PTPRU: variants seen among roughly 807,000 people sequenced by gnomAD.
The protein encoded by PTPRU is receptor-type tyrosine-protein phosphatase U.
In PTPRU, 69 loss-of-function variants were observed where a neutral mutation model predicts 166.3. The ratio of observed to expected loss-of-function variants is 0.41; its 90% CI spans 0.34 to 0.51. The LOEUF is 0.51. Ranked by LOEUF, PTPRU falls within the 20% of genes least tolerant of loss-of-function variation. The pLI is 0.09. For missense variants in PTPRU, 1,657 were observed against 2,013.7 expected, an observed-to-expected ratio of 0.82 and a Z score of 3.39; for synonymous variants, 793 against 814.0, an observed-to-expected ratio of 0.97 and a Z score of 0.44.
chr1:29,299,425 G>A (rs1382156320), intron 15 of PTPRU, among the ~76,000 whole-genome samples: 5 of 152,222 alleles, frequency 3.3e-5, no homozygotes, highest in Non-Finnish European at 7.3e-5. Context: ...GGCAAGGAGA[G>A]TAGGGACCTG....
rs1377857352 is a variant in PTPRU, at chr1:29,311,998, G to T, written c.3072+239G>T. Among the ~76,000 whole-genome samples the T allele has an allele frequency of 6.6e-6, 1 of 152,218 alleles. No individual in the cohort carries two copies. The highest frequency in any genetic ancestry group is 1.5e-5 in the Non-Finnish European group (1 of 68,030). Reference sequence around the variant, plus strand: ...TGAAGGGGGTGACAGTATCTGCCAGGTGCTGGCTCCTACTCTGTGCTGAGC... The same window carrying T: ...TGAAGGGGGTGACAGTATCTGCCAGTTGCTGGCTCCTACTCTGTGCTGAGC... On this transcript the variant is annotated intron_variant, in intron 21 of 29. Coordinates refer to ENST00000373779, the MANE Select transcript of PTPRU (RefSeq NM_133178.4). This position sits in a 1 kb window ranked among gnomAD's most constrained non-coding sequence, Gnocchi z 4.1.
intron 8 of PTPRU, 113 bp downstream of exon 8, chr1:29,275,869 C>G: frequency 8.3e-7 from 1 of 1,210,908 alleles, no homozygotes. Flanking sequence ...TAGGATTAAA[C>G]CAACTGTATA....
intron 14 of PTPRU, among the ~76,000 whole-genome samples, chr1:29,286,171 G>A (rs1489664037): frequency 1.3e-5 from 2 of 152,208 alleles, no homozygotes; most frequent in Non-Finnish European, 2.9e-5. Flanking sequence ...GCGGAGTGGA[G>A]GAGATGGGGG....
Position 29,255,312 on chromosome 1 carries a change from G to A in PTPRU, c.111G>A (p.Val37=), listed in dbSNP as rs945425797. Reference sequence around the variant, plus strand: ...TCGAGGAGGCAAGTGACCCAGCAGTGCCCTGCGAGTACAGCCAGGCCCAGT... The same window carrying A: ...TCGAGGAGGCAAGTGACCCAGCAGTACCCTGCGAGTACAGCCAGGCCCAGT... ...CTFEEASDPA[V]PCEYSQAQYD... is the part of the protein sequence containing the mutation. The change falls in exon 2 of 30, where the codon GTG becomes GTA. Residue 37 remains valine (V), a synonymous_variant. Transcript: ENST00000373779. 1 of 1,614,000 alleles carries A rather than the reference G, an allele frequency of 6.2e-7. No individual in the cohort carries two copies. The highest frequency in any genetic ancestry group is 8.5e-7 in the Non-Finnish European group (1 of 1,180,002).
At chr1:29,250,253 C>T (rs962871442) in intron 1 of PTPRU, among the ~76,000 whole-genome samples, 25 of 152,126 alleles carry the variant, frequency 1.6e-4, no homozygotes, top group African/African-American at 6.0e-4. Flanking sequence ...GCAGAGTCTT[C>T]ATCATCCTTG....
intron 15 of PTPRU, among the ~76,000 whole-genome samples, chr1:29,295,456 A>G (rs1344856002): frequency 6.6e-6 from 1 of 152,152 alleles, no homozygotes; most frequent in Non-Finnish European, 1.5e-5. Flanking sequence ...CCATCTTATG[A>G]AATTGTCTTT....
rs1688388797 is a variant in PTPRU, at chr1:29,325,807, C to T, written c.*146C>T. 1 of 924,296 alleles carries T rather than the reference C, an allele frequency of 1.1e-6. No homozygotes were observed. The highest frequency in any genetic ancestry group is 1.7e-5 in the African/African-American group (1 of 59,420). 57.3% of individuals were successfully genotyped at this position (924,296 alleles called of 1,614,324 possible). Reference sequence around the variant, plus strand: ...GTGGATGCTGGGCTATCTTGCTCCCCCTTCCACTGTGGGCAGGGCCTTTCG... The same window carrying T: ...GTGGATGCTGGGCTATCTTGCTCCCTCTTCCACTGTGGGCAGGGCCTTTCG... On this transcript the variant is annotated 3_prime_UTR_variant, in exon 30 of 30. Coordinates refer to ENST00000373779, the MANE Select transcript of PTPRU (RefSeq NM_133178.4).
rs1429802390 is a variant in PTPRU at position 29,282,719 on chromosome 1, C to T, written c.1912C>T (p.Arg638Trp). 1 of 1,613,368 alleles carries T rather than the reference C, an allele frequency of 6.2e-7. No individual in the cohort carries two copies. The highest frequency in any genetic ancestry group is 8.5e-7 in the Non-Finnish European group (1 of 1,179,964). Residue 638 changes from arginine (R) to tryptophan (W), a missense_variant, in exon 12 of 30, where the codon CGG becomes TGG. By Grantham distance (101) the Arg-to-Trp change is moderately radical (BLOSUM62 -3). This residue lies in a region of PTPRU where 1,190 missense variants were observed against 1,477.4 expected (regional missense o/e 0.81). Coordinates refer to ENST00000373779, the MANE Select transcript of PTPRU (RefSeq NM_133178.4). ...GGAGGAGGAGCGGGCGCGGAGGCTG[C>T]GGCGGGAGCCAGGTGGACAGGACTG... is the stretch of plus-strand genomic sequence containing the variant. ...IVEEERARRLRREPGGQDCFP... is the reference protein window; with the variant it reads ...IVEEERARRLWREPGGQDCFP...
At chr1:29,270,532 C>T (rs576291227) in intron 7 of PTPRU, among the ~76,000 whole-genome samples, 12 of 152,278 alleles carry the variant, frequency 7.9e-5, no homozygotes, top group African/African-American at 2.6e-4. Context: ...AGGTCTCGAA[C>T]CCCTGAGCGA....
chr1:29,305,551 T>G (rs752986325), intron 18 of PTPRU, 123 bp downstream of exon 18: 8 of 997,792 alleles, frequency 8.0e-6, no homozygotes, highest in Non-Finnish European at 1.3e-5. Flanking sequence ...GGAGTGCCCC[T>G]ATCTCTGCAG....
chr1:29,279,912 T>C lies in PTPRU; in HGVS notation c.1766-127T>C. The C allele has an allele frequency of 9.3e-7, 1 of 1,077,854 alleles. No individual in the cohort carries two copies. Among genetic ancestry groups the C allele is most frequent in the Non-Finnish European group, 1.3e-6 (1 of 742,238 alleles). The allele number at this position is 1,077,854 out of a possible 1,614,324, so 66.8% of individuals were successfully genotyped here. A position where few individuals can be genotyped will look rare whatever the true frequency, so the allele number is the denominator to read the frequency against. The stretch of plus-strand genomic sequence containing the variant: ...AGGGGCCAGGGTAGCTCAGGTCATG[T>C]CAGCAGGAACAAAGAGGCTAAGGCT... On this transcript the variant is annotated intron_variant, in intron 10 of 29. Transcript: ENST00000373779. This position sits in a 1 kb window ranked among gnomAD's most constrained non-coding sequence, Gnocchi z 5.2.
intron 1 of PTPRU, among the ~76,000 whole-genome samples, chr1:29,252,271 CT>C (rs34153386): frequency 2.4e-4 from 32 of 135,700 alleles, no homozygotes; most frequent in Middle Eastern, 3.4e-3. Context: ...TTTTTTCTTT[CT>C]TTTTTTTTTT....
chr1:29,266,701 C>T (rs1456658719), intron 7 of PTPRU, among the ~76,000 whole-genome samples: 6 of 152,160 alleles, frequency 3.9e-5, no homozygotes, highest in Non-Finnish European at 8.8e-5. Context: ...TATTGAGTGT[C>T]TATTACGTGC....
chr1:29,250,214 A>G (rs566671378), intron 1 of PTPRU, among the ~76,000 whole-genome samples: 3 of 148,570 alleles, frequency 2.0e-5, no homozygotes, highest in African/African-American at 7.5e-5. Flanking sequence ...CCTCACCCTC[A>G]CTGGGACTAG....
intron 12 of PTPRU, among the ~76,000 whole-genome samples, chr1:29,283,369 C>T (rs540089282): frequency 1.3e-5 from 2 of 151,704 alleles, no homozygotes; most frequent in South Asian, 4.2e-4. Flanking sequence ...CCCTCCTGAC[C>T]CCAGGCTCCT....
At chr1:29,310,709 C>T (rs559962386) in intron 18 of PTPRU, 35 bp from the exon 19 acceptor site, 1 of 1,604,728 alleles carries the variant, frequency 6.2e-7, no homozygotes, top group African/African-American at 1.3e-5. Flanking sequence ...GGGCTACTCC[C>T]TGGGGTCTAA....
Position 29,315,238 on chromosome 1 carries a change from G to C in PTPRU, c.3228-134G>C, listed in dbSNP as rs1249475469. On this transcript the variant is annotated intron_variant, in intron 22 of 29. Coordinates refer to ENST00000373779, the MANE Select transcript of PTPRU (RefSeq NM_133178.4). This position sits in a 1 kb window ranked among gnomAD's most constrained non-coding sequence, Gnocchi z 4.5. Reference sequence around the variant, plus strand: ...AGCCTGCGTCCTGGCTCCTTACTCGGGGAGGGGCAGTCATCTCTGTGTCCG... The same window carrying C: ...AGCCTGCGTCCTGGCTCCTTACTCGCGGAGGGGCAGTCATCTCTGTGTCCG... 2.7e-6 allele frequency: 3 copies of C among 1,121,724 alleles called. No individual in the cohort carries two copies. Among genetic ancestry groups the C allele is most frequent in the Non-Finnish European group, 3.8e-6 (3 of 788,018 alleles). 69.5% of individuals were successfully genotyped at this position (1,121,724 alleles called of 1,614,324 possible). A position where few individuals can be genotyped will look rare whatever the true frequency, so the allele number is the denominator to read the frequency against.
Position 29,265,596 on chromosome 1 carries a change from C to G in PTPRU, c.1144+4693C>G, listed in dbSNP as rs186571093. On this transcript the variant is annotated intron_variant, in intron 7 of 29. Coordinates refer to ENST00000373779, the MANE Select transcript of PTPRU (RefSeq NM_133178.4). Reference sequence around the variant, plus strand: ...CAGGCTGGTCTTGAACTCCTGACCTCAAGTGTTCTGCCCGCCTCAGCCTCC... The same window carrying G: ...CAGGCTGGTCTTGAACTCCTGACCTGAAGTGTTCTGCCCGCCTCAGCCTCC... 9.2e-5 allele frequency among the ~76,000 whole-genome samples: 14 copies of G among 152,216 alleles called. No homozygotes were observed. In the East Asian group the frequency reaches 2.5e-3, roughly 27 times the overall value.
rs1296765675 is a variant in PTPRU at position 29,326,751 on chromosome 1, A to C, written c.*1090A>C. ...TCGCAGGGGGCTGTGGGGAGGCATA[A>C]GCTGATGTTTGTAAAGCGCTTTGTA... On this transcript the variant is annotated 3_prime_UTR_variant, in exon 30 of 30. Coordinates refer to ENST00000373779, the MANE Select transcript of PTPRU (RefSeq NM_133178.4). 6.6e-6 allele frequency: 1 copy of C among 152,248 alleles called. No individual in the cohort carries two copies. Among genetic ancestry groups the C allele is most frequent in the Non-Finnish European group, 1.5e-5 (1 of 68,126 alleles). The allele number at this position is 152,248 out of a possible 1,614,324, so 9.4% of individuals were successfully genotyped here.
Sources: allele counts gnomAD v4.1 joint callset (sites outside exome capture counted in the v4.1 genomes callset), GRCh38; gene constraint gnomAD v4.1.1; regional missense constraint gnomAD v4.1.1; non-coding constraint Gnocchi (gnomAD v3.1); transcripts MANE v1.5; gene names NCBI Gene and HGNC (gene_info 2026-07-23, HGNC 2026-07-21).